KIAA1549L: variants seen among roughly 807,000 people sequenced by gnomAD.
The protein encoded by KIAA1549L is KIAA1549 like.
Under a neutral mutation model 160.7 loss-of-function variants are expected in KIAA1549L, and 88 were observed. That is an observed-to-expected ratio of 0.55 (90% confidence interval 0.46 to 0.65). KIAA1549L has a LOEUF of 0.65. Among genes scored for constraint, KIAA1549L ranks in the 30% least tolerant of loss-of-function variants. The pLI is 0.00. For synonymous variants in KIAA1549L, 950 were observed against 976.7 expected (o/e 0.97, Z 0.51); for missense variants, 2,258 against 2,437.5 (o/e 0.93, Z 1.55).
intron 12 of KIAA1549L, among the ~76,000 whole-genome samples, chr11:33,594,676 G>C (rs935217318): frequency 6.6e-6 from 1 of 152,208 alleles, no homozygotes; most frequent in Non-Finnish European, 1.5e-5. Flanking sequence ...GTCAAGTCCA[G>C]ACTCAGCATG....
At chr11:33,655,158 T>A (rs1852021739) in intron 17 of KIAA1549L, among the ~76,000 whole-genome samples, 1 of 152,256 alleles carries the variant, frequency 6.6e-6, no homozygotes, top group South Asian at 2.1e-4. Context: ...CTGTCTGTTT[T>A]GCTTTTATCC....
chr11:33,539,662 G>A (rs1435582657), intron 1 of KIAA1549L, among the ~76,000 whole-genome samples: 5 of 152,038 alleles, frequency 3.3e-5, no homozygotes, highest in Non-Finnish European at 7.4e-5. Context: ...GTTTCTTTTT[G>A]TTTTGTTTTG....
chr11:33,568,274 A>G (rs1219780282), intron 9 of KIAA1549L, 47 bp downstream of exon 9: 1 of 1,522,204 alleles, frequency 6.6e-7, no homozygotes. Flanking sequence ...CTGGGGGTAG[A>G]GGGGGGGATG....
chr11:33,480,145 C>G (rs1852378628), intron 1 of KIAA1549L, among the ~76,000 whole-genome samples: 1 of 152,076 alleles, frequency 6.6e-6, no homozygotes, highest in Non-Finnish European at 1.5e-5. Flanking sequence ...AATTCAGTGA[C>G]TTAGTATATT....
At chr11:33,575,515 C>A (rs959857527) in intron 10 of KIAA1549L, among the ~76,000 whole-genome samples, 2 of 152,208 alleles carry the variant, frequency 1.3e-5, no homozygotes, top group African/African-American at 2.4e-5. Flanking sequence ...CTCATTGGGG[C>A]AGTGTTTACT....
chr11:33,388,170 T>C (rs1049289166), intron 1 of KIAA1549L, among the ~76,000 whole-genome samples: 1 of 152,146 alleles, frequency 6.6e-6, no homozygotes, highest in Non-Finnish European at 1.5e-5. Flanking sequence ...GGAAGAAGTT[T>C]AGTTGACTCA....
chr11:33,641,191 C>T (rs570125203), intron 16 of KIAA1549L, among the ~76,000 whole-genome samples: 130 of 152,266 alleles, frequency 8.5e-4, no homozygotes, highest in African/African-American at 3.0e-3. Flanking sequence ...CACAGGTCCT[C>T]GAGTCAATTT....
intron 1 of KIAA1549L, among the ~76,000 whole-genome samples, chr11:33,392,571 A>G (rs1850291932): frequency 6.6e-6 from 1 of 152,224 alleles, no homozygotes; most frequent in Non-Finnish European, 1.5e-5. Flanking sequence ...AAGATATAGC[A>G]TGTGACCATG....
chr11:33,632,727 A>T (rs113429576), intron 16 of KIAA1549L, among the ~76,000 whole-genome samples: 3 of 150,904 alleles, frequency 2.0e-5, no homozygotes, highest in Non-Finnish European at 4.4e-5. Flanking sequence ...TACTACTACC[A>T]TACCTGGTTA....
intron 15 of KIAA1549L, among the ~76,000 whole-genome samples, chr11:33,616,733 A>G (rs1850819662): frequency 6.6e-6 from 1 of 152,206 alleles, no homozygotes; most frequent in African/African-American, 2.4e-5. Context: ...ATGAAAAAAA[A>G]TGTGTAAGCC....
intron 1 of KIAA1549L, among the ~76,000 whole-genome samples, chr11:33,407,225 C>T (rs12422150): frequency 0.33 from 50,265 of 150,398 alleles, 9,036 homozygotes; most frequent in East Asian, 0.54. Context: ...GCTGGGACTA[C>T]AGGCGCCTGC....
At chr11:33,448,290 T>G (rs1851656176) in intron 1 of KIAA1549L, among the ~76,000 whole-genome samples, 1 of 152,168 alleles carries the variant, frequency 6.6e-6, no homozygotes, top group African/African-American at 2.4e-5. Context: ...TAGATTTTCT[T>G]TGTGCTGCAG....
At chr11:33,449,980 C>T (rs1012393994) in intron 1 of KIAA1549L, among the ~76,000 whole-genome samples, 1 of 152,208 alleles carries the variant, frequency 6.6e-6, no homozygotes, top group Non-Finnish European at 1.5e-5. Flanking sequence ...CTATCCATCA[C>T]TGTTTGTCTT....
At chr11:33,500,262 T>A (rs911646703) in intron 1 of KIAA1549L, among the ~76,000 whole-genome samples, 12 of 152,340 alleles carry the variant, frequency 7.9e-5, no homozygotes, top group African/African-American at 2.6e-4. Flanking sequence ...CGAGTCAGGA[T>A]TTGAATCTAG....
At chr11:33,561,312 C>A (rs2133219182) in intron 7 of KIAA1549L, among the ~76,000 whole-genome samples, 1 of 152,328 alleles carries the variant, frequency 6.6e-6, no homozygotes, top group African/African-American at 2.4e-5. Flanking sequence ...CAGAAACTCA[C>A]AAATCCTAGA....
At chr11:33,444,564 A>C (rs180924606) in intron 1 of KIAA1549L, among the ~76,000 whole-genome samples, 5 of 152,186 alleles carry the variant, frequency 3.3e-5, no homozygotes, top group South Asian at 4.1e-4. Flanking sequence ...TTGTGTGTCT[A>C]TTTGCATTGT....
intron 1 of KIAA1549L, among the ~76,000 whole-genome samples, chr11:33,473,101 C>T (rs117330269): frequency 0.031 from 4,664 of 152,256 alleles, 125 homozygotes; most frequent in East Asian, 0.13. Context: ...GTACTTCAGA[C>T]TTGGATGGCT....
At chr11:33,461,676 A>T (rs1274013025) in intron 1 of KIAA1549L, among the ~76,000 whole-genome samples, 1 of 152,216 alleles carries the variant, frequency 6.6e-6, no homozygotes, top group African/African-American at 2.4e-5. Context: ...CTACCTAAAT[A>T]ATAAAATCAG....
chr11:33,647,515 G>T (rs536394070), intron 17 of KIAA1549L, among the ~76,000 whole-genome samples: 2 of 151,972 alleles, frequency 1.3e-5, no homozygotes, highest in Non-Finnish European at 2.9e-5. Flanking sequence ...AAACCGAGAA[G>T]TTATAAGTTT....
Sources: allele counts gnomAD v4.1 joint callset (sites outside exome capture counted in the v4.1 genomes callset), GRCh38; gene constraint gnomAD v4.1.1; transcripts MANE v1.5; gene names NCBI Gene and HGNC (gene_info 2026-07-23, HGNC 2026-07-21).